The following NPSR1 variants were observed in gnomAD, a reference collection of about 807,000 sequenced individuals.
The protein encoded by NPSR1 is neuropeptide S receptor 1.
Under a neutral mutation model 46.9 loss-of-function variants are expected in NPSR1, and 48 were observed. The ratio of observed to expected loss-of-function variants is 1.02; its 90% CI spans 0.81 to 1.30. The LOEUF (loss-of-function observed/expected upper bound fraction) is 1.30. Among genes scored for constraint, NPSR1 ranks in the 50% most tolerant of loss-of-function variants. The pLI is 0.00. For synonymous variants in NPSR1, 176 were observed against 168.1 expected, an observed-to-expected ratio of 1.05 and a Z score of -0.36; for missense variants, 450 against 449.5, an observed-to-expected ratio of 1.00 and a Z score of -0.01.
chr7:34,749,464 T>C (rs941096663), intron 2 of NPSR1, among the ~76,000 whole-genome samples: 13 of 152,280 alleles, frequency 8.5e-5, no homozygotes, highest in Middle Eastern at 6.8e-3. Flanking sequence ...ACAAAGTAAG[T>C]ATACCCACCC....
chr7:34,724,626 G>A (rs532548650), intron 2 of NPSR1, among the ~76,000 whole-genome samples: 90 of 152,156 alleles, frequency 5.9e-4, no homozygotes, highest in Non-Finnish European at 1.1e-3. Flanking sequence ...AGTATCTGGT[G>A]GTCTGCACAT....
chr7:34,824,380 G>A (rs1395046672), intron 4 of NPSR1, among the ~76,000 whole-genome samples: 1 of 152,190 alleles, frequency 6.6e-6, no homozygotes, highest in African/African-American at 2.4e-5. Context: ...ACATGAGACA[G>A]TCTACCTTAT....
At chr7:34,772,496 GT>G (rs1786733136) in intron 2 of NPSR1, among the ~76,000 whole-genome samples, 1 of 152,142 alleles carries the variant, frequency 6.6e-6, no homozygotes, top group Non-Finnish European at 1.5e-5. Flanking sequence ...GCCTAATGGT[GT>G]TTCTCAACAG....
At chr7:34,736,544 A>G (rs1784672576) in intron 2 of NPSR1, among the ~76,000 whole-genome samples, 1 of 152,096 alleles carries the variant, frequency 6.6e-6, no homozygotes, top group Non-Finnish European at 1.5e-5. Flanking sequence ...ACAAACACAC[A>G]CATGCACACA....
intron 4 of NPSR1, among the ~76,000 whole-genome samples, chr7:34,826,887 C>CAAAAA (rs58951477): frequency 2.0e-3 from 284 of 140,810 alleles, no homozygotes; most frequent in African/African-American, 7.0e-3. Context: ...ATGTTCCTAC[C>CAAAAA]AAAAAAAAAA....
At chr7:34,875,073 C>T (rs923970378) in intron 8 of NPSR1, among the ~76,000 whole-genome samples, 28 of 152,316 alleles carry the variant, frequency 1.8e-4, no homozygotes, top group African/African-American at 6.5e-4. Context: ...ATTCTATTCT[C>T]GTCCCTATGG....
intron 3 of NPSR1, among the ~76,000 whole-genome samples, chr7:34,796,447 A>G (rs1217035965): frequency 6.6e-6 from 1 of 152,220 alleles, no homozygotes; most frequent in Non-Finnish European, 1.5e-5. Context: ...AAAGATTGTT[A>G]TTCAAAATAT....
intron 2 of NPSR1, among the ~76,000 whole-genome samples, chr7:34,762,837 C>T (rs1214139472): frequency 6.6e-6 from 1 of 152,146 alleles, no homozygotes; most frequent in African/African-American, 2.4e-5. Flanking sequence ...TTCAATATCT[C>T]CCTTATTTAG....
At chr7:34,709,852 T>G (rs760327592) in intron 2 of NPSR1, among the ~76,000 whole-genome samples, 7 of 151,606 alleles carry the variant, frequency 4.6e-5, no homozygotes, top group Non-Finnish European at 1.0e-4. Flanking sequence ...TGACAGAATA[T>G]CCACCAAAAA....
At chr7:34,819,817 A>G (rs1264022501) in intron 4 of NPSR1, among the ~76,000 whole-genome samples, 1 of 152,256 alleles carries the variant, frequency 6.6e-6, no homozygotes, top group Non-Finnish European at 1.5e-5. Context: ...AAACTGTCAC[A>G]AAGACAGAAA....
exon 9 of NPSR1, chr7:34,878,215 G>A (rs367688058): frequency 7.9e-7 from 1 of 1,271,198 alleles, no homozygotes; most frequent in East Asian, 2.5e-5. Flanking sequence ...AGGTGGCCCT[G>A]TGCCTGGTGC....
chr7:34,740,810 T>C (rs1784904608), intron 2 of NPSR1, among the ~76,000 whole-genome samples: 1 of 152,166 alleles, frequency 6.6e-6, no homozygotes, highest in African/African-American at 2.4e-5. Flanking sequence ...GTGGGTTCTC[T>C]CGGCTTTCCT....
At chr7:34,809,519 A>G (rs1407926157) in intron 3 of NPSR1, among the ~76,000 whole-genome samples, 1 of 138,190 alleles carries the variant, frequency 7.2e-6, no homozygotes, top group Non-Finnish European at 1.5e-5. Context: ...GCTGGAGTGC[A>G]GTGGCGCAAT....
At chr7:34,682,236 C>T (rs947372105) in intron 1 of NPSR1, among the ~76,000 whole-genome samples, 1 of 152,182 alleles carries the variant, frequency 6.6e-6, no homozygotes, top group Non-Finnish European at 1.5e-5. Context: ...GGCCCAGAAC[C>T]TGTGTCACAG....
At chr7:34,765,395 T>C (rs1025652763) in intron 2 of NPSR1, among the ~76,000 whole-genome samples, 10 of 152,114 alleles carry the variant, frequency 6.6e-5, no homozygotes, top group Non-Finnish European at 1.3e-4. Flanking sequence ...AAAAATACAT[T>C]AAAAATACTT....
At chr7:34,762,691 CTG>C (rs1373874809) in intron 2 of NPSR1, among the ~76,000 whole-genome samples, 7 of 152,180 alleles carry the variant, frequency 4.6e-5, no homozygotes, top group East Asian at 1.9e-4. Context: ...ATTGCATACT[CTG>C]AGATACACAG....
At chr7:34,687,346 T>G (rs1792989201) in intron 2 of NPSR1, among the ~76,000 whole-genome samples, 1 of 152,202 alleles carries the variant, frequency 6.6e-6, no homozygotes, top group African/African-American at 2.4e-5. Context: ...GTTGTATTAG[T>G]CTGTTCTCAC....
At chr7:34,827,309 GC>G (rs1789902070) in intron 4 of NPSR1, 91 bp from the exon 5 acceptor site, 2 of 1,055,086 alleles carry the variant, frequency 1.9e-6, no homozygotes, top group Non-Finnish European at 2.9e-6. Flanking sequence ...CAGGGTGGCT[GC>G]CCCACAGTGA....
chr7:34,862,978 A>G (rs1037686379), intron 8 of NPSR1, among the ~76,000 whole-genome samples: 2 of 151,810 alleles, frequency 1.3e-5, no homozygotes, highest in African/African-American at 2.4e-5. Flanking sequence ...CTGACTTCAA[A>G]CTATACTACA....
Sources: gnomAD v4.1 joint callset for allele counts (sites outside exome capture counted in the v4.1 genomes callset) on GRCh38, gnomAD v4.1.1 for gene constraint, MANE v1.5 for transcripts, NCBI Gene and HGNC (gene_info 2026-07-23, HGNC 2026-07-21) for gene names.